Variants in IL1RAPL2 observed in about 807,000 individuals in gnomAD.
IL1RAPL2 encodes the protein interleukin 1 receptor accessory protein like 2.
Under a neutral mutation model 44.1 loss-of-function variants are expected in IL1RAPL2, and 3 were observed. The ratio of observed to expected loss-of-function variants is 0.07; its 90% CI spans 0.03 to 0.18. The LOEUF (loss-of-function observed/expected upper bound fraction) is 0.18. Ranked by LOEUF, IL1RAPL2 falls within the 10% of genes least tolerant of loss-of-function variation. The pLI is 1.00. For missense variants in IL1RAPL2, 391 were observed against 496.4 expected (o/e 0.79, Z 2.02); for synonymous variants, 181 against 178.8 (o/e 1.01, Z -0.10).
In IL1RAPL2 at chrX:104,582,602, TTCTTTCTTTCTTTCTTTC is replaced by T. The variant is rs1569487418; in HGVS notation, c.-20+15553_-20+15570del. 3.7e-3 allele frequency among the ~76,000 whole-genome samples: 311 copies of T among 83,396 alleles called. 2 individuals carry two copies. The highest frequency in any genetic ancestry group is 5.8e-3 in the Middle Eastern group (1 of 171). 72.4% of individuals were successfully genotyped at this position (83,396 alleles called of 115,157 possible). A position where few individuals can be genotyped will look rare whatever the true frequency, so the allele number is the denominator to read the frequency against. On this transcript the variant is annotated intron_variant, in intron 1 of 10. Coordinates refer to ENST00000372582, the MANE Select transcript of IL1RAPL2 (RefSeq NM_017416.2). Reference sequence around the variant, plus strand: ...TTTTTCTTTCTTTCTTTCTTTTTCTTTCTTTCTTTCTTTCTTTCTTTCTTTCTTTCTTTCTTTCTCTCT... The same window carrying T: ...TTTTTCTTTCTTTCTTTCTTTTTCTTTTTCTTTCTTTCTTTCTTTCTCTCT...
At chrX:105,261,502 GTTTGT>G (rs2034359802) in intron 4 of IL1RAPL2, among the ~76,000 whole-genome samples, 1 of 109,656 alleles carries the variant, frequency 9.1e-6, no homozygotes. Flanking sequence ...TTGTTTGTTT[GTTTGT>G]TTTGTTTTTT....
At chrX:104,788,667 A>G (rs1195069283) in intron 2 of IL1RAPL2, among the ~76,000 whole-genome samples, 1 of 111,751 alleles carries the variant, frequency 8.9e-6, no homozygotes, top group East Asian at 2.8e-4. Context: ...TTTTGAAGTA[A>G]AGATTACCAA....
At chrX:105,542,456 T>C (rs2036745912) in intron 6 of IL1RAPL2, among the ~76,000 whole-genome samples, 1 of 111,175 alleles carries the variant, frequency 9.0e-6, no homozygotes, top group Non-Finnish European at 1.9e-5. Context: ...AAACAGACTA[T>C]ACAAATTGCT....
chrX:105,568,005 C>T (rs2036986685), intron 6 of IL1RAPL2, among the ~76,000 whole-genome samples: 1 of 110,906 alleles, frequency 9.0e-6, no homozygotes, highest in Non-Finnish European at 1.9e-5. Flanking sequence ...CCTTCTGCCA[C>T]CAGGCCCCAG....
chrX:105,572,648 A>G (rs2037022578), intron 6 of IL1RAPL2, among the ~76,000 whole-genome samples: 1 of 109,105 alleles, frequency 9.2e-6, no homozygotes, highest in African/African-American at 3.3e-5. Context: ...AACCAGTATG[A>G]TCAGTCTTTG....
At chrX:105,308,042 T>C (rs1434486803) in intron 5 of IL1RAPL2, among the ~76,000 whole-genome samples, 1 of 110,680 alleles carries the variant, frequency 9.0e-6, no homozygotes, top group Non-Finnish European at 1.9e-5. Flanking sequence ...ACAAGCTTCA[T>C]CATGGTGACT....
intron 2 of IL1RAPL2, among the ~76,000 whole-genome samples, chrX:105,013,805 A>G (rs755872062): frequency 3.6e-5 from 4 of 111,872 alleles, no homozygotes; most frequent in Non-Finnish European, 7.5e-5. Flanking sequence ...CTTTTTCCAC[A>G]TTGATCTCTT....
At chrX:105,177,907 T>G (rs754746340) in intron 2 of IL1RAPL2, among the ~76,000 whole-genome samples, 21 of 111,681 alleles carry the variant, frequency 1.9e-4, no homozygotes, top group Non-Finnish European at 5.6e-5. Context: ...GTTATATGCA[T>G]AGGCTGTGTA....
chrX:105,321,851 A>G (rs1344004673), intron 5 of IL1RAPL2, among the ~76,000 whole-genome samples: 7 of 112,926 alleles, frequency 6.2e-5, no homozygotes, highest in Non-Finnish European at 1.3e-4. Flanking sequence ...TACAAAGGCT[A>G]TCCAGTATAA....
chrX:105,330,224 C>A (rs1266461616), intron 5 of IL1RAPL2, among the ~76,000 whole-genome samples: 1 of 111,338 alleles, frequency 9.0e-6, no homozygotes, highest in Non-Finnish European at 1.9e-5. Flanking sequence ...TTGTTGGATC[C>A]CTTCTGATTG....
chrX:104,642,354 T>G (rs1929950544), intron 1 of IL1RAPL2, among the ~76,000 whole-genome samples: 1 of 112,578 alleles, frequency 8.9e-6, no homozygotes, highest in Non-Finnish European at 1.9e-5. Context: ...TGGTGTAATA[T>G]TCCACCATAT....
At position 105,111,658 on chromosome X, in the gene IL1RAPL2, C is replaced by A. The variant is rs774817951; in HGVS notation, c.83-83817C>A. 4.5e-5 allele frequency among the ~76,000 whole-genome samples: 5 copies of A among 111,878 alleles called. No homozygotes were observed. The South Asian group carries it at 1.9e-3, about 42-fold the overall frequency. On this transcript the variant is annotated intron_variant, in intron 2 of 10. Transcript: ENST00000372582. Reference sequence around the variant, plus strand: ...AGAATGCCTCATGTTTCTTGATCTACTAATAATATTAGATAACATGGGCTA... The same window carrying A: ...AGAATGCCTCATGTTTCTTGATCTAATAATAATATTAGATAACATGGGCTA...
chrX:104,956,433 C>A (rs1025208457), intron 2 of IL1RAPL2, among the ~76,000 whole-genome samples: 7 of 106,304 alleles, frequency 6.6e-5, no homozygotes, highest in Non-Finnish European at 1.2e-4. Context: ...ACCAGCCTGG[C>A]CAACATGGCA....
At position 104,566,643 on chromosome X, in the gene IL1RAPL2, AAGAGTCTGGGAGGCAGGCGACTTAGG is replaced by A. The variant is rs1928037289; in HGVS notation, c.-420_-395del. 8.8e-6 allele frequency: 1 copy of A among 113,024 alleles called. No homozygotes were observed. The highest frequency in any genetic ancestry group is 3.2e-5 in the African/African-American group (1 of 31,195). 9.3% of individuals were successfully genotyped at this position (113,024 alleles called of 1,213,427 possible). ...CTCCGAAGCGAAGTCGCGCAAAAGG[AAGAGTCTGGGAGGCAGGCGACTTAGG>A]AGAGTCTAGTCACTGAGAGACAGAG... On this transcript the variant is annotated 5_prime_UTR_variant, in exon 1 of 11. Coordinates refer to ENST00000372582, the MANE Select transcript of IL1RAPL2 (RefSeq NM_017416.2).
chrX:104,853,993 T>C (rs768711598), intron 2 of IL1RAPL2, among the ~76,000 whole-genome samples: 1 of 110,478 alleles, frequency 9.1e-6, no homozygotes, highest in African/African-American at 3.3e-5. Context: ...GAATATGAAT[T>C]CATGTCTTAG....
chrX:104,957,160 A>G (rs926704613), intron 2 of IL1RAPL2, among the ~76,000 whole-genome samples: 3 of 112,592 alleles, frequency 2.7e-5, no homozygotes, highest in African/African-American at 9.7e-5. Context: ...TTCCCCATGA[A>G]TGAAGTGGGC....
chrX:105,610,512 C>T (rs2037328071), intron 6 of IL1RAPL2, among the ~76,000 whole-genome samples: 1 of 111,480 alleles, frequency 9.0e-6, no homozygotes, highest in African/African-American at 3.3e-5. Flanking sequence ...TTTTTTCTTG[C>T]TATCTTTTTA....
At chrX:105,728,597 G>T (rs937086446) in intron 7 of IL1RAPL2, among the ~76,000 whole-genome samples, 63 of 110,300 alleles carry the variant, frequency 5.7e-4, no homozygotes, top group Non-Finnish European at 9.5e-5. Context: ...ATTTTTTTTT[G>T]AAGAGTTGAG....
At chrX:105,398,276 A>G (rs1447336713) in intron 5 of IL1RAPL2, among the ~76,000 whole-genome samples, 3 of 110,921 alleles carry the variant, frequency 2.7e-5, no homozygotes, top group Non-Finnish European at 3.8e-5. Context: ...TGGACTGGGA[A>G]GGTCATTAGA....
Sources: allele counts gnomAD v4.1 joint callset (sites outside exome capture counted in the v4.1 genomes callset), GRCh38; gene constraint gnomAD v4.1.1; transcripts MANE v1.5; gene names NCBI Gene and HGNC (gene_info 2026-07-23, HGNC 2026-07-21).